The following ISG20L2 variants were observed in gnomAD, a reference collection of about 807,000 sequenced individuals.
ISG20L2 encodes interferon stimulated exonuclease gene 20 like 2.
ISG20L2 carries 14 observed loss-of-function variants against 27.8 expected under a neutral mutation model. That is an observed-to-expected ratio of 0.50 (90% CI 0.33 to 0.79). The LOEUF is 0.79. Among genes scored for constraint, ISG20L2 ranks in the 30% least tolerant of loss-of-function variants. The pLI is 0.02. For synonymous variants in ISG20L2, 157 were observed against 165.7 expected, an observed-to-expected ratio of 0.95 and a Z score of 0.40; for missense variants, 393 against 435.1, an observed-to-expected ratio of 0.90 and a Z score of 0.86.
In ISG20L2 at chr1:156,727,492, A is replaced by C. The variant is rs1648839782; in HGVS notation, c.161T>G (p.Leu54Trp). Residue 54 changes from leucine (L) to tryptophan (W), a missense_variant, in exon 2 of 4, where the codon TTG (leucine) becomes TGG (tryptophan). Leu to Trp is a moderately conservative substitution (Grantham distance 61). Coordinates refer to ENST00000368219, the MANE Select transcript of ISG20L2 (RefSeq NM_001370150.2). ...CCCTTTCTTTGAAGGTTCAGAGTGC[A>C]ACTTAGGCGCCTTGCTAGGGGGTTG... ...KNQPPSKAPK[L>W]HSEPSKKGET... is the part of the protein sequence containing the mutation. The C allele has an allele frequency of 1.2e-6, 2 of 1,614,062 alleles. No homozygotes were observed. Among genetic ancestry groups the C allele is most frequent in the Non-Finnish European group, 1.7e-6 (2 of 1,179,982 alleles).
chr1:156,726,999 G>A lies in ISG20L2; in HGVS notation c.654C>T (p.Pro218=). 6.2e-7 allele frequency: 1 copy of A among 1,614,198 alleles called. No individual in the cohort carries two copies. Among genetic ancestry groups the A allele is most frequent in the Middle Eastern group, 1.6e-4 (1 of 6,062 alleles). The change falls in exon 2 of 4, where the codon CCC becomes CCT. Residue 218 remains proline, a synonymous_variant. Coordinates refer to ENST00000368219, the MANE Select transcript of ISG20L2 (RefSeq NM_001370150.2). ...TTCGGTAGTCCACAATGTGGCAGGGGGGAAGAATGTACTCGTCATAAAGCA... is the reference window on the plus strand; with the variant it reads ...TTCGGTAGTCCACAATGTGGCAGGGAGGAAGAATGTACTCGTCATAAAGCA... ...GDVLYDEYIL[P]PCHIVDYRTR... is the part of the protein sequence containing the mutation.
Position 156,723,145 on chromosome 1 carries a change from C to T in ISG20L2, c.*204G>A, listed in dbSNP as rs1263866252. ...GGTTGGGTTCTGACGTGAAGGCTTT[C>T]CCCTTCCATGGGACACTTAACCAGA... On this transcript the variant is annotated 3_prime_UTR_variant, in exon 4 of 4. Transcript: ENST00000368219. 22 of 624,536 alleles carry T rather than the reference C, an allele frequency of 3.5e-5. No homozygotes were observed. In the East Asian group the frequency reaches 6.0e-4, roughly 17 times the overall value. 38.7% of individuals were successfully genotyped at this position (624,536 alleles called of 1,614,324 possible). A position where few individuals can be genotyped will look rare whatever the true frequency, so the allele number is the denominator to read the frequency against.
rs1648581367 is a variant in ISG20L2, at chr1:156,722,558, GC to G, written c.*790del. The G allele has an allele frequency of 6.7e-6, 1 of 150,364 alleles. No individual in the cohort carries two copies. The highest frequency in any genetic ancestry group is 2.5e-5 in the African/African-American group (1 of 40,762). 9.3% of individuals were successfully genotyped at this position (150,364 alleles called of 1,614,324 possible). A position where few individuals can be genotyped will look rare whatever the true frequency, so the allele number is the denominator to read the frequency against. On this transcript the variant is annotated 3_prime_UTR_variant, in exon 4 of 4. Coordinates refer to ENST00000368219, the MANE Select transcript of ISG20L2 (RefSeq NM_001370150.2). Reference sequence around the variant, plus strand: ...TGGGATTACAGGCGTGAGCCACCACGCCCGGCAGGGACCACACAATTTATTA... The same window carrying G: ...TGGGATTACAGGCGTGAGCCACCACGCCGGCAGGGACCACACAATTTATTA...
Position 156,723,321 on chromosome 1 carries a change from C to T in ISG20L2, c.*28G>A. On this transcript the variant is annotated 3_prime_UTR_variant, in exon 4 of 4. Transcript: ENST00000368219. ...TTTCTCCTGGGTGCTGCCTCTGCCT[C>T]CTCATATCACCAGCGTCCCCACTGC... The T allele has an allele frequency of 6.2e-7, 1 of 1,613,826 alleles. No homozygotes were observed. The highest frequency in any genetic ancestry group is 8.5e-7 in the Non-Finnish European group (1 of 1,179,918).
chr1:156,728,584 G>T lies in ISG20L2; in HGVS notation c.-287C>A. On this transcript the variant is annotated 5_prime_UTR_variant, in exon 1 of 4. Transcript: ENST00000368219. Reference sequence around the variant, plus strand: ...GGTAGTGAGGCCAGTGATTCCGAGTGTGTGAGGAGCGGCAGTGGCGGCGGA... The same window carrying T: ...GGTAGTGAGGCCAGTGATTCCGAGTTTGTGAGGAGCGGCAGTGGCGGCGGA... The T allele has an allele frequency of 8.1e-6, 8 of 985,294 alleles. No individual in the cohort carries two copies. The highest frequency in any genetic ancestry group is 9.6e-6 in the Non-Finnish European group (8 of 829,782). The allele number at this position is 985,294 out of a possible 1,614,324, so 61.0% of individuals were successfully genotyped here. A position where few individuals can be genotyped will look rare whatever the true frequency, so the allele number is the denominator to read the frequency against.
At position 156,728,723 on chromosome 1, in the gene ISG20L2, C is replaced by A. The variant is rs1201457619; in HGVS notation, c.-426G>T. On this transcript the variant is annotated 5_prime_UTR_variant, in exon 1 of 4. Coordinates refer to ENST00000368219, the MANE Select transcript of ISG20L2 (RefSeq NM_001370150.2). ...GCCGCGATAAACCGGAACTGCAGCC[C>A]GCCGGACACCTCCGGCTTCACTTCC... The A allele has an allele frequency of 6.0e-6, 6 of 998,596 alleles. No homozygotes were observed. Among genetic ancestry groups the A allele is most frequent in the African/African-American group, 3.5e-5 (2 of 57,688 alleles). The allele number at this position is 998,596 out of a possible 1,614,324, so 61.9% of individuals were successfully genotyped here. A position where few individuals can be genotyped will look rare whatever the true frequency, so the allele number is the denominator to read the frequency against.
At chr1:156,728,391 G>A in intron 1 of ISG20L2, 24 bp downstream of exon 1, 1 of 985,602 alleles carries the variant, frequency 1.0e-6, no homozygotes, top group Non-Finnish European at 1.2e-6. Context: ...GGTACAGATC[G>A]ATCTCTCACG....
Position 156,723,374 on chromosome 1 carries a change from A to T in ISG20L2, c.1037T>A (p.Leu346Gln), listed in dbSNP as rs777411851. The change falls in exon 4 of 4, where the codon CTA becomes CAA. Residue 346 changes from leucine to glutamine, a missense_variant. Physicochemically the swap from Leu to Gln is moderately radical, Grantham distance 113. This residue lies in a region of ISG20L2 where 171 missense variants were observed against 195.3 expected (regional missense o/e 0.88). Coordinates refer to ENST00000368219, the MANE Select transcript of ISG20L2 (RefSeq NM_001370150.2). ...KLVEVEWEEH[L>Q]ARNPPTD is the part of the protein sequence containing the mutation. ...CTAGTCTGTAGGGGGATTCCGGGCT[A>T]GGTGCTCTTCCCACTCGACTTCAAC... 1.2e-6 allele frequency: 2 copies of T among 1,614,182 alleles called. No individual in the cohort carries two copies. Among genetic ancestry groups the T allele is most frequent in the Admixed American group, 3.3e-5 (2 of 60,014 alleles).
intron 1 of ISG20L2, 92 bp downstream of exon 1, chr1:156,728,323 G>C: frequency 1.0e-6 from 1 of 985,738 alleles, no homozygotes; most frequent in South Asian, 4.7e-5. Context: ...CTACCAGCGC[G>C]GGGGTGGGAT....
intron 3 of ISG20L2, chr1:156,723,854 C>G: frequency 1.6e-6 from 2 of 1,257,932 alleles, no homozygotes; most frequent in South Asian, 2.0e-5. Context: ...GTGTAAAATA[C>G]GAGCGGTCCT....
Position 156,722,329 on chromosome 1 carries a change from C to G in ISG20L2, c.*1020G>C, listed in dbSNP as rs1166369453. On this transcript the variant is annotated 3_prime_UTR_variant, in exon 4 of 4. Transcript: ENST00000368219. ...TGGCCCAGGCTGGAGTGCAGTGGCA[C>G]AATCTCGGCTCACTGCAAGCTCCGC... 4 of 151,802 alleles carry G rather than the reference C, an allele frequency of 2.6e-5. No homozygotes were observed. Among genetic ancestry groups the G allele is most frequent in the African/African-American group, 9.7e-5 (4 of 41,334 alleles). 9.4% of individuals were successfully genotyped at this position (151,802 alleles called of 1,614,324 possible). A position where few individuals can be genotyped will look rare whatever the true frequency, so the allele number is the denominator to read the frequency against.
chr1:156,723,608 GTCCTAC>G, intron 3 of ISG20L2, 146 bp from the exon 4 acceptor site: 1 of 1,456,060 alleles, frequency 6.9e-7, no homozygotes, highest in South Asian at 1.4e-5. Context: ...TTCTGGTGGG[GTCCTAC>G]TCCTTATGTA....
chr1:156,725,980 T>A (rs1648740363), intron 2 of ISG20L2: 2 of 985,418 alleles, frequency 2.0e-6, no homozygotes, highest in African/African-American at 3.5e-5. Flanking sequence ...TCTGGCGGCC[T>A]CCTGAGACCA....
At chr1:156,726,675 C>T (rs1334968659) in intron 2 of ISG20L2, 1 of 984,966 alleles carries the variant, frequency 1.0e-6, no homozygotes, top group Non-Finnish European at 1.2e-6. Flanking sequence ...AGTGCCACTG[C>T]GCCCGGCTAA....
chr1:156,723,484 G>A, intron 3 of ISG20L2, 22 bp from the exon 4 acceptor site: 1 of 1,613,866 alleles, frequency 6.2e-7, no homozygotes, highest in Non-Finnish European at 8.5e-7. Flanking sequence ...AGGAAGACAA[G>A]AGCATGAAGA....
intron 2 of ISG20L2, chr1:156,726,165 T>C: frequency 5.1e-6 from 5 of 985,408 alleles, no homozygotes; most frequent in Non-Finnish European, 6.0e-6. Context: ...TTGGACAATA[T>C]ATACCCCAGC....
At chr1:156,726,424 T>G in intron 2 of ISG20L2, 1 of 985,156 alleles carries the variant, frequency 1.0e-6, no homozygotes, top group Non-Finnish European at 1.2e-6. Context: ...TAAAATAGTT[T>G]TTTTGTTTGT....
At chr1:156,723,585 T>C in intron 3 of ISG20L2, 123 bp from the exon 4 acceptor site, 1 of 1,489,198 alleles carries the variant, frequency 6.7e-7, no homozygotes, top group Non-Finnish European at 8.9e-7. Flanking sequence ...GTCAGCAGCC[T>C]ACAAAGACAG....
intron 2 of ISG20L2, 136 bp downstream of exon 2, chr1:156,726,767 CCTT>C (rs775563577): frequency 1.3e-4 from 195 of 1,459,210 alleles, no homozygotes; most frequent in Middle Eastern, 1.8e-4. Flanking sequence ...CGACAGGGGG[CCTT>C]CTTCAACAAC....
Sources: allele counts gnomAD v4.1 joint callset, GRCh38; gene constraint gnomAD v4.1.1; regional missense constraint gnomAD v4.1.1; transcripts MANE v1.5; gene names NCBI Gene and HGNC (gene_info 2026-07-23, HGNC 2026-07-21).